The following NALF1 variants were observed in gnomAD, a reference collection of about 807,000 sequenced individuals.
The protein encoded by NALF1 is family with sequence similarity 155 member A.
NALF1 carries 3 observed loss-of-function variants against 48.4 expected under a neutral mutation model. The ratio of observed to expected loss-of-function variants is 0.06; its 90% CI spans 0.03 to 0.16. NALF1 has a LOEUF of 0.16. Ranked by LOEUF, NALF1 falls within the 10% of genes least tolerant of loss-of-function variation. The pLI is 1.00. For missense variants in NALF1, 526 were observed against 571.5 expected (o/e 0.92, Z 0.81); for synonymous variants, 262 against 245.7 (o/e 1.07, Z -0.62).
At position 107,362,623 on chromosome 13, in the gene NALF1, C is replaced by T. The variant is rs554433889; in HGVS notation, c.916-151868G>A. Among the ~76,000 whole-genome samples the T allele has an allele frequency of 5.9e-5, 9 of 152,208 alleles. No individual in the cohort carries two copies. Among genetic ancestry groups the T allele is most frequent in the African/African-American group, 2.2e-4 (9 of 41,538 alleles). ...ACCTCATCTTAATCATCTGTGAAGG[C>T]CTTATTTCCAAATAAGGTCACATTA... On this transcript the variant is annotated intron_variant, in intron 1 of 2. Transcript: ENST00000375915. This position sits in a 1 kb window ranked among gnomAD's most constrained non-coding sequence, Gnocchi z 4.6.
rs72650519 is a variant in NALF1 at position 107,302,219 on chromosome 13, A to G, written c.916-91464T>C. Among the ~76,000 whole-genome samples the G allele has an allele frequency of 6.0e-3, 910 of 152,320 alleles. 8 individuals carry two copies. Among genetic ancestry groups the G allele is most frequent in the Middle Eastern group, 0.01 (3 of 294 alleles). ...GGGACTCTGCAGAGCCCACACCAGG[A>G]GAAGGATTCCCACCAGACGCAGTCC... On this transcript the variant is annotated intron_variant, in intron 1 of 2. Coordinates refer to ENST00000375915, the MANE Select transcript of NALF1 (RefSeq NM_001080396.3).
intron 1 of NALF1, among the ~76,000 whole-genome samples, chr13:107,488,447 G>C (rs532685189): frequency 3.5e-4 from 53 of 152,098 alleles, no homozygotes; most frequent in African/African-American, 1.2e-3. Flanking sequence ...TCTTAGTTGT[G>C]TTCCAGAGAT....
intron 1 of NALF1, among the ~76,000 whole-genome samples, chr13:107,784,150 GT>G (rs1594264590): frequency 6.6e-6 from 1 of 152,166 alleles, no homozygotes; most frequent in Non-Finnish European, 1.5e-5. Flanking sequence ...ACATATACTT[GT>G]TTAGTTTAGA....
intron 1 of NALF1, among the ~76,000 whole-genome samples, chr13:107,307,825 T>C (rs1881967112): frequency 6.6e-6 from 1 of 152,184 alleles, no homozygotes; most frequent in African/African-American, 2.4e-5. Flanking sequence ...AAAATGGTTT[T>C]GTGACTAATT....
intron 1 of NALF1, among the ~76,000 whole-genome samples, chr13:107,411,391 A>C (rs1883988768): frequency 6.7e-6 from 1 of 148,364 alleles, no homozygotes; most frequent in Admixed American, 6.8e-5. Context: ...GGCTCACTGC[A>C]CCCTTGACCT....
chr13:107,264,960 G>A (rs1881010667), intron 1 of NALF1, among the ~76,000 whole-genome samples: 1 of 152,170 alleles, frequency 6.6e-6, no homozygotes, highest in African/African-American at 2.4e-5. Flanking sequence ...AGGCTTGCAT[G>A]AAAGTTTTTG....
rs758377482 is a variant in NALF1 at position 107,866,093 on chromosome 13, C to T, written c.504G>A (p.Leu168=). The T allele has an allele frequency of 2.5e-6, 4 of 1,612,880 alleles. No homozygotes were observed. In the African/African-American group the frequency reaches 5.3e-5, roughly 22 times the overall value. The change falls in exon 1 of 3, where the codon CTG becomes CTA. Residue 168 remains leucine, a synonymous_variant. Coordinates refer to ENST00000375915, the MANE Select transcript of NALF1 (RefSeq NM_001080396.3). This position sits in a 1 kb window ranked among gnomAD's most constrained non-coding sequence, Gnocchi z 4.4. ...ACGCGCCCTGGGGGTAACAAGTCTC[C>T]AGGCGCCACACGGGCTTGGCAGAGT... is the stretch of plus-strand genomic sequence containing the variant. ...LGNSAKPVWR[L]ETCYPQGASS... is the part of the protein sequence containing the mutation.
At chr13:107,642,740 G>GCATA (rs1880194072) in intron 1 of NALF1, among the ~76,000 whole-genome samples, 1 of 152,170 alleles carries the variant, frequency 6.6e-6, no homozygotes, top group South Asian at 2.1e-4. Flanking sequence ...AGAGAGTTGA[G>GCATA]CATACAGTCA....
intron 1 of NALF1, among the ~76,000 whole-genome samples, chr13:107,605,507 T>C (rs1037450408): frequency 6.6e-6 from 1 of 152,202 alleles, no homozygotes; most frequent in Non-Finnish European, 1.5e-5. Context: ...ATGTTTTTGT[T>C]TTTATTATTT....
chr13:107,339,827 A>G (rs1882634860), intron 1 of NALF1, among the ~76,000 whole-genome samples: 3 of 152,188 alleles, frequency 2.0e-5, no homozygotes, highest in Admixed American at 2.0e-4. Context: ...TTTTCAGAAG[A>G]TATTGTGTTT....
intron 1 of NALF1, among the ~76,000 whole-genome samples, chr13:107,390,268 C>T (rs144886140): frequency 0.022 from 3,411 of 151,732 alleles, 131 homozygotes; most frequent in African/African-American, 0.079. Flanking sequence ...TTGCTTGAGC[C>T]CGGGAGGTGG....
rs568926419 is a variant in NALF1, at chr13:107,603,286, T to C, written c.915+262396A>G. 4.6e-5 allele frequency among the ~76,000 whole-genome samples: 7 copies of C among 152,330 alleles called. No individual in the cohort carries two copies. The East Asian group carries it at 1.3e-3, about 29-fold the overall frequency. On this transcript the variant is annotated intron_variant, in intron 1 of 2. Coordinates refer to ENST00000375915, the MANE Select transcript of NALF1 (RefSeq NM_001080396.3). Reference sequence around the variant, plus strand: ...TTTGGACTCATGACTCCATTTGCTGTTAGCTGAAAATTTATAGAGGTAACA... The same window carrying C: ...TTTGGACTCATGACTCCATTTGCTGCTAGCTGAAAATTTATAGAGGTAACA...
chr13:107,813,043 C>T (rs972708574), intron 1 of NALF1, among the ~76,000 whole-genome samples: 1 of 152,026 alleles, frequency 6.6e-6, no homozygotes, highest in Non-Finnish European at 1.5e-5. Flanking sequence ...GGTGTGAGCA[C>T]CACGCCTGGA....
At chr13:107,470,645 CA>C (rs1176368208) in intron 1 of NALF1, among the ~76,000 whole-genome samples, 14 of 152,132 alleles carry the variant, frequency 9.2e-5, no homozygotes, top group African/African-American at 2.9e-4. Flanking sequence ...CTGGAAAAAC[CA>C]AAGTGTCCCT....
At chr13:107,661,059 A>G (rs551823469) in intron 1 of NALF1, among the ~76,000 whole-genome samples, 1 of 152,364 alleles carries the variant, frequency 6.6e-6, no homozygotes, top group Non-Finnish European at 1.5e-5. Context: ...AACTATCTCT[A>G]GTCATTTTAT....
chr13:107,760,075 G>T (rs1445755685), intron 1 of NALF1, among the ~76,000 whole-genome samples: 1 of 152,174 alleles, frequency 6.6e-6, no homozygotes, highest in African/African-American at 2.4e-5. Context: ...AATATAAAGT[G>T]AATGCAATCA....
chr13:107,768,219 G>C (rs1344710849), intron 1 of NALF1, among the ~76,000 whole-genome samples: 2 of 152,156 alleles, frequency 1.3e-5, no homozygotes, highest in Non-Finnish European at 2.9e-5. Context: ...AAGGCTTTGA[G>C]CAGTATCTGG....
At position 107,701,200 on chromosome 13, in the gene NALF1, C is replaced by T. The variant is rs541501722; in HGVS notation, c.915+164482G>A. On this transcript the variant is annotated intron_variant, in intron 1 of 2. Transcript: ENST00000375915. ...TCCTTCACTCTCATGTGCATTGCAGCATTATTCCCAAGAGCCAAAATATGG... is the reference window on the plus strand; with the variant it reads ...TCCTTCACTCTCATGTGCATTGCAGTATTATTCCCAAGAGCCAAAATATGG... Among the ~76,000 whole-genome samples, 9 of 152,266 alleles carry T rather than the reference C, an allele frequency of 5.9e-5. No individual in the cohort carries two copies. The South Asian group carries it at 1.9e-3, about 32-fold the overall frequency.
At chr13:107,600,176 G>A (rs1878881041) in intron 1 of NALF1, among the ~76,000 whole-genome samples, 1 of 152,164 alleles carries the variant, frequency 6.6e-6, no homozygotes. Context: ...CAAGGTTGAA[G>A]GTTGTGTGTT....
Sources: allele counts gnomAD v4.1 joint callset (sites outside exome capture counted in the v4.1 genomes callset), GRCh38; gene constraint gnomAD v4.1.1; non-coding constraint Gnocchi (gnomAD v3.1); transcripts MANE v1.5; gene names NCBI Gene and HGNC (gene_info 2026-07-23, HGNC 2026-07-21).